The following MED13L variants were observed in gnomAD, a reference collection of about 807,000 sequenced individuals.
MED13L encodes the protein mediator of RNA polymerase II transcription subunit 13-like.
Under a neutral mutation model 220.9 loss-of-function variants are expected in MED13L, and 7 were observed. The observed-to-expected ratio is 0.03, with a 90% CI of 0.02 to 0.06. The LOEUF is 0.06. MED13L is among the 10% of genes least tolerant of loss of function. The pLI, the probability that MED13L is intolerant of heterozygous loss-of-function variation, is 1.00. For missense variants in MED13L, 1,965 were observed against 2,760.5 expected (o/e 0.71, Z 6.46); for synonymous variants, 1,011 against 1,015.2 (o/e 1.00, Z 0.08).
intron 3 of MED13L, among the ~76,000 whole-genome samples, chr12:116,108,827 T>C (rs1873824588): frequency 6.6e-6 from 1 of 152,036 alleles, no homozygotes; most frequent in African/African-American, 2.4e-5. Flanking sequence ...AATAAAAAAT[T>C]TATGGTGAAA....
Position 115,991,670 on chromosome 12 carries a change from A to C in MED13L, c.3284T>G (p.Val1095Gly), listed in dbSNP as rs1363514850. ...AATTGGCTGCATGGTGGCGGGCTCC[A>C]CAGAGTTGAGGGGCCGTGTAGTAGA... ...TPSTTRPLNS[V>G]EPATMQPIPE... The change falls in exon 17 of 31, where the codon GTG (valine) becomes GGG (glycine). Residue 1095 changes from valine (V) to glycine (G), a missense_variant. Physicochemically the swap from Val to Gly is moderately radical, Grantham distance 109. Around this residue, in one of 10 missense-constraint regions of MED13L, gnomAD observed 233 missense variants for 306.2 expected, o/e 0.76. Coordinates refer to ENST00000281928, the MANE Select transcript of MED13L (RefSeq NM_015335.5). The surrounding 1 kb of genome is among the most constrained non-coding windows in gnomAD (Gnocchi z 7.7). 6.2e-7 allele frequency: 1 copy of C among 1,613,930 alleles called. No homozygotes were observed. Among genetic ancestry groups the C allele is most frequent in the African/African-American group, 1.3e-5 (1 of 74,888 alleles).
rs764284132 is a variant in MED13L at position 115,989,002 on chromosome 12, T to C, written c.3935-1714A>G. 2.0e-5 allele frequency among the ~76,000 whole-genome samples: 3 copies of C among 152,358 alleles called. No homozygotes were observed. In the Middle Eastern group the frequency reaches 0.01, roughly 518 times the overall value. On this transcript the variant is annotated intron_variant, in intron 17 of 30. Coordinates refer to ENST00000281928, the MANE Select transcript of MED13L (RefSeq NM_015335.5). Reference sequence around the variant, plus strand: ...ACCTAAGCAGTTATACAAATGAGCATAACCCTTTAATGCTTTCTTAGTCAT... The same window carrying C: ...ACCTAAGCAGTTATACAAATGAGCACAACCCTTTAATGCTTTCTTAGTCAT...
chr12:116,249,989 T>A (rs865904406), intron 1 of MED13L, among the ~76,000 whole-genome samples: 11 of 107,188 alleles, frequency 1.0e-4, no homozygotes, highest in African/African-American at 3.8e-4. Flanking sequence ...AAACCTATGA[T>A]CTAAAGAGTT....
intron 2 of MED13L, among the ~76,000 whole-genome samples, chr12:116,162,875 T>C (rs1450688479): frequency 6.6e-6 from 1 of 152,180 alleles, no homozygotes; most frequent in Admixed American, 6.5e-5. Context: ...ATTGAAGTCT[T>C]ATTAAATCAA....
At chr12:116,276,587 G>A in intron 1 of MED13L, 4 of 1,219,918 alleles carry the variant, frequency 3.3e-6, no homozygotes, top group Non-Finnish European at 4.2e-6. Flanking sequence ...GAAATTGCAG[G>A]TGTCATTATG....
intron 2 of MED13L, among the ~76,000 whole-genome samples, chr12:116,214,091 C>T (rs1882865150): frequency 1.3e-5 from 2 of 152,186 alleles, no homozygotes; most frequent in Non-Finnish European, 2.9e-5. Context: ...ATGGTGCAGC[C>T]ATTTTCCTGT....
At chr12:116,056,815 G>T (rs1869014802) in intron 4 of MED13L, among the ~76,000 whole-genome samples, 2 of 152,060 alleles carry the variant, frequency 1.3e-5, no homozygotes, top group African/African-American at 4.8e-5. Context: ...AATTCAAATT[G>T]CTCTTAATGA....
rs11357820 is a variant in MED13L at position 116,274,991 on chromosome 12, TAA to T, written c.72+2067_72+2068del. ...AACGTTATCATCCTTACTTAAGCTT[TAA>T]AAAAAAAAAAAAAAGATAAAAGAAA... On this transcript the variant is annotated intron_variant, in intron 1 of 30. Coordinates refer to ENST00000281928, the MANE Select transcript of MED13L (RefSeq NM_015335.5). Among the ~76,000 whole-genome samples the T allele has an allele frequency of 3.6e-4, 48 of 134,998 alleles. No homozygotes were observed. The East Asian group carries it at 3.8e-3, about 11-fold the overall frequency. 88.6% of individuals were successfully genotyped at this position (134,998 alleles called of 152,430 possible).
chr12:116,074,523 C>A (rs1870632250), intron 4 of MED13L, among the ~76,000 whole-genome samples: 1 of 152,168 alleles, frequency 6.6e-6, no homozygotes, highest in East Asian at 1.9e-4. Context: ...GAAAAAATGA[C>A]ACTTTTTCTT....
intron 2 of MED13L, among the ~76,000 whole-genome samples, chr12:116,138,154 C>A (rs940430762): frequency 1.8e-4 from 27 of 152,080 alleles, no homozygotes; most frequent in Non-Finnish European, 3.7e-4. Flanking sequence ...CCACGCCCGG[C>A]CTGACATAAA....
intron 17 of MED13L, among the ~76,000 whole-genome samples, chr12:115,988,185 T>C (rs188635364): frequency 5.9e-5 from 9 of 152,296 alleles, no homozygotes; most frequent in Admixed American, 4.6e-4. Context: ...CCAACTAAAT[T>C]TGAAACACAG....
chr12:116,086,112 G>A (rs559059276), intron 4 of MED13L, among the ~76,000 whole-genome samples: 1 of 152,258 alleles, frequency 6.6e-6, no homozygotes, highest in South Asian at 2.1e-4. Flanking sequence ...TTCACCAAAA[G>A]TAGTCTAACC....
chr12:116,136,103 A>G (rs1876527246), intron 2 of MED13L, among the ~76,000 whole-genome samples: 1 of 152,000 alleles, frequency 6.6e-6, no homozygotes, highest in Non-Finnish European at 1.5e-5. Context: ...GAGTTTCACC[A>G]TCTTGGCCAG....
At chr12:116,047,364 T>C (rs976739770) in intron 4 of MED13L, among the ~76,000 whole-genome samples, 2 of 152,066 alleles carry the variant, frequency 1.3e-5, no homozygotes, top group African/African-American at 2.4e-5. Flanking sequence ...AAAACATAAA[T>C]AAACAAGAAA....
intron 4 of MED13L, among the ~76,000 whole-genome samples, chr12:116,068,646 T>A (rs1171222066): frequency 1.3e-5 from 2 of 152,180 alleles, no homozygotes; most frequent in Non-Finnish European, 2.9e-5. Flanking sequence ...GAATAAGAAA[T>A]CTGAATTCCA....
intron 2 of MED13L, among the ~76,000 whole-genome samples, chr12:116,180,053 T>TTCAAAATTG (rs1205060104): frequency 6.6e-6 from 1 of 152,206 alleles, no homozygotes; most frequent in Non-Finnish European, 1.5e-5. Flanking sequence ...TGTTTCGCAT[T>TTCAAAATTG]TCAAAATTGT....
chr12:116,086,424 A>G (rs1347712752), intron 4 of MED13L, among the ~76,000 whole-genome samples: 2 of 151,844 alleles, frequency 1.3e-5, no homozygotes, highest in East Asian at 3.9e-4. Flanking sequence ...CTGGGATTAC[A>G]GACTTGCACC....
intron 17 of MED13L, among the ~76,000 whole-genome samples, chr12:115,987,854 C>T (rs531948769): frequency 1.3e-5 from 2 of 152,320 alleles, no homozygotes; most frequent in East Asian, 3.9e-4. Flanking sequence ...GCTGCAGGCA[C>T]GGATGGGATT....
At chr12:115,966,272 T>C (rs976792519) in intron 28 of MED13L, 29 bp from the exon 29 acceptor site, 1 of 1,613,160 alleles carries the variant, frequency 6.2e-7, no homozygotes. Flanking sequence ...AAAAACATGA[T>C]CAGCATTTAT....
Sources: gnomAD v4.1 joint callset for allele counts (sites outside exome capture counted in the v4.1 genomes callset) on GRCh38, gnomAD v4.1.1 for gene constraint, gnomAD v4.1.1 regional missense constraint, Gnocchi (gnomAD v3.1) non-coding constraint, MANE v1.5 for transcripts, NCBI Gene and HGNC (gene_info 2026-07-23, HGNC 2026-07-21) for gene names.